SYTL3: variants seen among roughly 807,000 people sequenced by gnomAD.
SYTL3 encodes synaptotagmin-like protein 3.
Under a neutral mutation model 82.1 loss-of-function variants are expected in SYTL3, and 88 were observed. The ratio of observed to expected loss-of-function variants is 1.07; its 90% CI spans 0.90 to 1.28. The LOEUF (loss-of-function observed/expected upper bound fraction) is 1.28. Among genes scored for constraint, SYTL3 ranks in the 50% most tolerant of loss-of-function variants. The probability of loss-of-function intolerance (pLI) is 0.00; values close to 1 mark genes in which losing one functional copy is unlikely to be tolerated. For missense variants in SYTL3, 831 were observed against 757.6 expected (o/e 1.10, Z -1.14); for synonymous variants, 311 against 289.4 (o/e 1.07, Z -0.76).
chr6:158,746,440 T>A (rs1390964643), intron 12 of SYTL3, among the ~76,000 whole-genome samples: 4 of 145,604 alleles, frequency 2.7e-5, no homozygotes, highest in South Asian at 2.1e-4. Context: ...GTAGCACCAT[T>A]ATAATAATAA....
chr6:158,730,569 T>TG (rs1669017385), intron 11 of SYTL3, among the ~76,000 whole-genome samples: 1 of 152,152 alleles, frequency 6.6e-6, no homozygotes, highest in African/African-American at 2.4e-5. Flanking sequence ...CGGTGGCCTC[T>TG]GGGGTAAGGA....
chr6:158,756,062 A>G (rs936589640), intron 13 of SYTL3, among the ~76,000 whole-genome samples: 2 of 152,250 alleles, frequency 1.3e-5, no homozygotes, highest in Non-Finnish European at 2.9e-5. Flanking sequence ...TAAGTGTTCA[A>G]TAACTTGTAG....
At chr6:158,722,773 T>TG (rs1172402501) in intron 10 of SYTL3, among the ~76,000 whole-genome samples, 20 of 142,270 alleles carry the variant, frequency 1.4e-4, no homozygotes, top group Admixed American at 2.8e-4. Flanking sequence ...TTTTTTTTTT[T>TG]TTTTTTTTTT....
intron 5 of SYTL3, among the ~76,000 whole-genome samples, chr6:158,670,525 T>A (rs1193945219): frequency 6.6e-6 from 1 of 152,196 alleles, no homozygotes; most frequent in East Asian, 1.9e-4. Flanking sequence ...CTCATGCCTG[T>A]AATCCCAGCA....
chr6:158,750,678 C>T (rs1367722923), intron 12 of SYTL3, among the ~76,000 whole-genome samples: 2 of 152,110 alleles, frequency 1.3e-5, no homozygotes, highest in African/African-American at 4.8e-5. Context: ...CCACCACACC[C>T]AGTTGACTTT....
At chr6:158,761,876 C>T (rs1426211701) in intron 15 of SYTL3, among the ~76,000 whole-genome samples, 200 bp from the exon 16 acceptor site, 1 of 152,186 alleles carries the variant, frequency 6.6e-6, no homozygotes, top group African/African-American at 2.4e-5. Context: ...CTCCACCTGA[C>T]CACAGAGCGG....
intron 5 of SYTL3, among the ~76,000 whole-genome samples, chr6:158,673,425 T>G (rs1583186162): frequency 6.6e-6 from 1 of 150,796 alleles, no homozygotes; most frequent in East Asian, 2.0e-4. Context: ...CTTACACAGC[T>G]TCTTTGGGAA....
At chr6:158,713,277 A>T (rs1420849537) in intron 8 of SYTL3, among the ~76,000 whole-genome samples, 1 of 152,120 alleles carries the variant, frequency 6.6e-6, no homozygotes, top group African/African-American at 2.4e-5. Context: ...TTGGATAAGG[A>T]AGTGAACTCC....
intron 8 of SYTL3, among the ~76,000 whole-genome samples, chr6:158,709,631 A>G (rs1188073462): frequency 6.6e-6 from 1 of 152,180 alleles, no homozygotes; most frequent in African/African-American, 2.4e-5. Context: ...TCATTATTCT[A>G]TAAATTAAAG....
At chr6:158,664,079 A>G (rs1294489442) in intron 4 of SYTL3, among the ~76,000 whole-genome samples, 1 of 152,172 alleles carries the variant, frequency 6.6e-6, no homozygotes, top group Non-Finnish European at 1.5e-5. Context: ...TTGTTTATCA[A>G]TGTCTATGGA....
At chr6:158,689,038 G>C (rs60099667) in intron 6 of SYTL3, among the ~76,000 whole-genome samples, 1 of 152,102 alleles carries the variant, frequency 6.6e-6, no homozygotes, top group Admixed American at 6.5e-5. Flanking sequence ...ATCTCACCCC[G>C]TCATAGGAAT....
chr6:158,724,474 G>A (rs1469189283), intron 10 of SYTL3, among the ~76,000 whole-genome samples: 1 of 151,392 alleles, frequency 6.6e-6, no homozygotes, highest in Non-Finnish European at 1.5e-5. Flanking sequence ...CTTGGAAACT[G>A]TATATTTTCA....
chr6:158,713,837 C>T lies in SYTL3; in HGVS notation c.554C>T (p.Ser185Phe). 1 of 1,550,704 alleles carries T rather than the reference C, an allele frequency of 6.4e-7. No individual in the cohort carries two copies. Among genetic ancestry groups the T allele is most frequent in the South Asian group, 1.2e-5 (1 of 84,048 alleles). The change falls in exon 9 of 18, where the codon TCC becomes TTC. Residue 185 changes from serine (S) to phenylalanine (F), a missense_variant. Coordinates refer to ENST00000611299, the MANE Select transcript of SYTL3 (RefSeq NM_001242394.2). The stretch of plus-strand genomic sequence containing the variant: ...GGTCAGTTTAGAGGATTTAATAAGT[C>T]CGTGGAAAATTTGTTTCTGTCTCTT... Reference protein sequence around the residue: ...EFGQFRGFNKSVENLFLSLAT... With the variant: ...EFGQFRGFNKFVENLFLSLAT...
chr6:158,656,837 G>A (rs917985465), intron 2 of SYTL3, among the ~76,000 whole-genome samples: 1 of 152,118 alleles, frequency 6.6e-6, no homozygotes, highest in Non-Finnish European at 1.5e-5. Flanking sequence ...AATATGCAGC[G>A]AATTTTAATA....
intron 5 of SYTL3, among the ~76,000 whole-genome samples, chr6:158,674,819 G>A (rs898899170): frequency 2.6e-5 from 4 of 152,078 alleles, no homozygotes; most frequent in Non-Finnish European, 5.9e-5. Context: ...TCTGACCTGC[G>A]CAGTGTTTAA....
At chr6:158,685,030 A>G (rs1779137741) in intron 6 of SYTL3, among the ~76,000 whole-genome samples, 2 of 151,996 alleles carry the variant, frequency 1.3e-5, no homozygotes, top group South Asian at 2.1e-4. Context: ...GATATCACAG[A>G]TATCATATAT....
chr6:158,696,266 C>T (rs548450113), intron 6 of SYTL3, among the ~76,000 whole-genome samples: 1 of 151,922 alleles, frequency 6.6e-6, no homozygotes, highest in Non-Finnish European at 1.5e-5. Context: ...GTGGTGCTAT[C>T]TCGGCTGACT....
intron 9 of SYTL3, among the ~76,000 whole-genome samples, chr6:158,715,927 C>T (rs1187355937): frequency 6.6e-6 from 1 of 152,158 alleles, no homozygotes; most frequent in East Asian, 1.9e-4. Flanking sequence ...AGGGAAGCCT[C>T]ATTCTGAGGG....
intron 5 of SYTL3, among the ~76,000 whole-genome samples, chr6:158,677,238 G>A (rs1225528912): frequency 6.6e-6 from 1 of 152,108 alleles, no homozygotes; most frequent in Admixed American, 6.6e-5. Context: ...AAAAAAGGAT[G>A]AGTTCATGTC....
Sources: allele counts gnomAD v4.1 joint callset (sites outside exome capture counted in the v4.1 genomes callset), GRCh38; gene constraint gnomAD v4.1.1; transcripts MANE v1.5; gene names NCBI Gene and HGNC (gene_info 2026-07-23, HGNC 2026-07-21).